ANKRD12: variants seen among roughly 807,000 people sequenced by gnomAD.
ANKRD12 encodes the protein ankyrin repeat domain-containing protein 12.
ANKRD12 carries 85 observed loss-of-function variants against 183.4 expected under a neutral mutation model. That is an observed-to-expected ratio of 0.46 (90% confidence interval 0.39 to 0.56). ANKRD12 has a LOEUF of 0.56. ANKRD12 is among the 20% of genes least tolerant of loss of function. The pLI is 0.00. For missense variants in ANKRD12, 2,405 were observed against 2,357.1 expected (o/e 1.02, Z -0.42); for synonymous variants, 914 against 800.2 (o/e 1.14, Z -2.40).
intron 1 of ANKRD12, among the ~76,000 whole-genome samples, chr18:9,181,059 C>G (rs191404051): frequency 6.6e-6 from 1 of 152,110 alleles, no homozygotes; most frequent in Non-Finnish European, 1.5e-5. Flanking sequence ...ATTGTTTATA[C>G]GTTAATGAAA....
At chr18:9,196,390 C>T (rs892246785) in intron 3 of ANKRD12, among the ~76,000 whole-genome samples, 2 of 151,984 alleles carry the variant, frequency 1.3e-5, no homozygotes, top group African/African-American at 4.8e-5. Context: ...CTGAACTAAC[C>T]GATTTTTGAA....
rs558585197 is a variant in ANKRD12, at chr18:9,143,700, T to A, written c.-52+6735T>A. Among the ~76,000 whole-genome samples, 59 of 152,316 alleles carry A rather than the reference T, an allele frequency of 3.9e-4. 2 individuals carry two copies. In the South Asian group the frequency reaches 0.012, roughly 32 times the overall value. ...TGGTTTTGAACTCCTGACCTCGTGATCCACCCACCTTGGCCTCCCAAAGTG... is the reference window on the plus strand; with the variant it reads ...TGGTTTTGAACTCCTGACCTCGTGAACCACCCACCTTGGCCTCCCAAAGTG... On this transcript the variant is annotated intron_variant, in intron 1 of 12. Coordinates refer to ENST00000262126, the MANE Select transcript of ANKRD12 (RefSeq NM_015208.5).
chr18:9,252,152 A>G (rs192655807), intron 8 of ANKRD12, among the ~76,000 whole-genome samples: 2 of 152,234 alleles, frequency 1.3e-5, no homozygotes, highest in South Asian at 4.1e-4. Flanking sequence ...AGAAAGGCAG[A>G]ACAAACATTT....
At chr18:9,186,446 A>G (rs2034070120) in intron 2 of ANKRD12, among the ~76,000 whole-genome samples, 1 of 152,180 alleles carries the variant, frequency 6.6e-6, no homozygotes, top group Non-Finnish European at 1.5e-5. Flanking sequence ...CAAGATCAGT[A>G]GTTTGGGTAA....
intron 2 of ANKRD12, among the ~76,000 whole-genome samples, chr18:9,186,136 G>GTTTTTTTTTTTTTTTTTTTTTTTTTTTT (rs1280812557): frequency 3.5e-5 from 5 of 141,936 alleles, no homozygotes; most frequent in South Asian, 2.2e-4. Context: ...CTAAAAGTGT[G>GTTTTTTTTTTTTTTTTTTTTTTTTTTTT]ATTTTTTTTT....
intron 8 of ANKRD12, among the ~76,000 whole-genome samples, chr18:9,226,085 T>G (rs1273906449): frequency 6.6e-6 from 1 of 152,142 alleles, no homozygotes; most frequent in Non-Finnish European, 1.5e-5. Context: ...ATATATGAGT[T>G]TTTGAAATGC....
At chr18:9,232,205 G>C (rs957072228) in intron 8 of ANKRD12, among the ~76,000 whole-genome samples, 1 of 152,052 alleles carries the variant, frequency 6.6e-6, no homozygotes, top group African/African-American at 2.4e-5. Context: ...TTGTGTATTT[G>C]CTTTACCAGT....
intron 8 of ANKRD12, among the ~76,000 whole-genome samples, chr18:9,250,869 C>T (rs2038251658): frequency 1.3e-5 from 2 of 152,048 alleles, no homozygotes; most frequent in Admixed American, 1.3e-4. Flanking sequence ...TGACTTTAAG[C>T]AGTAAGAGGA....
At chr18:9,172,767 AG>A (rs1334366352) in intron 1 of ANKRD12, among the ~76,000 whole-genome samples, 1 of 152,044 alleles carries the variant, frequency 6.6e-6, no homozygotes, top group Non-Finnish European at 1.5e-5. Context: ...CTTGCTGAAG[AG>A]GTGTTGTGGT....
chr18:9,188,924 T>G (rs1163766224), intron 2 of ANKRD12, among the ~76,000 whole-genome samples: 2 of 151,758 alleles, frequency 1.3e-5, no homozygotes, highest in Non-Finnish European at 2.9e-5. Flanking sequence ...ATTGTTGTGT[T>G]TCAGTGGTCT....
chr18:9,171,179 C>T (rs9635872), intron 1 of ANKRD12, among the ~76,000 whole-genome samples: 34,408 of 152,038 alleles, frequency 0.23, 4,692 homozygotes, highest in Middle Eastern at 0.37. Flanking sequence ...GCAGTCTGCC[C>T]GTTGTCAGAT....
chr18:9,165,214 C>A (rs186939178), intron 1 of ANKRD12, among the ~76,000 whole-genome samples: 1 of 152,026 alleles, frequency 6.6e-6, no homozygotes, highest in Non-Finnish European at 1.5e-5. Flanking sequence ...ACTAGGATTG[C>A]GACTCCTGCT....
At chr18:9,150,999 T>G (rs896099545) in intron 1 of ANKRD12, among the ~76,000 whole-genome samples, 17 of 152,158 alleles carry the variant, frequency 1.1e-4, no homozygotes, top group Admixed American at 6.5e-4. Context: ...TGATCTGGAA[T>G]GCAACCATGA....
chr18:9,268,656 G>A (rs2145377262), intron 10 of ANKRD12, among the ~76,000 whole-genome samples: 1 of 152,216 alleles, frequency 6.6e-6, no homozygotes, highest in East Asian at 1.9e-4. Context: ...CACACCCACA[G>A]CCAATATCAT....
At chr18:9,216,031 T>A (rs2036084511) in intron 6 of ANKRD12, among the ~76,000 whole-genome samples, 1 of 151,310 alleles carries the variant, frequency 6.6e-6, no homozygotes, top group African/African-American at 2.4e-5. Context: ...TTTTTTTTTT[T>A]TAAACACCAA....
intron 10 of ANKRD12, among the ~76,000 whole-genome samples, chr18:9,268,093 C>G (rs1452918345): frequency 6.6e-6 from 1 of 152,080 alleles, no homozygotes; most frequent in Non-Finnish European, 1.5e-5. Flanking sequence ...CTGAATAGAC[C>G]AATAACAGGC....
chr18:9,222,180 T>C (rs937743356), intron 8 of ANKRD12, among the ~76,000 whole-genome samples, 181 bp downstream of exon 8: 9 of 152,194 alleles, frequency 5.9e-5, no homozygotes, highest in African/African-American at 2.2e-4. Context: ...TTGCTACATA[T>C]ACCCTGTGTG....
chr18:9,179,577 G>A (rs566201813), intron 1 of ANKRD12, among the ~76,000 whole-genome samples: 2 of 152,208 alleles, frequency 1.3e-5, no homozygotes, highest in East Asian at 1.9e-4. Flanking sequence ...GTGCAGTGGC[G>A]TGATCATGGC....
intron 8 of ANKRD12, among the ~76,000 whole-genome samples, chr18:9,233,322 G>C (rs2037162054): frequency 6.6e-6 from 1 of 151,690 alleles, no homozygotes; most frequent in South Asian, 2.1e-4. Flanking sequence ...ATCTTGAATG[G>C]TTTTTCTGAT....
Sources: allele counts gnomAD v4.1 joint callset (sites outside exome capture counted in the v4.1 genomes callset), GRCh38; gene constraint gnomAD v4.1.1; transcripts MANE v1.5; gene names NCBI Gene and HGNC (gene_info 2026-07-23, HGNC 2026-07-21).